The following ITFG1 variants were observed in gnomAD, a reference collection of about 807,000 sequenced individuals.
ITFG1 encodes T-cell immunomodulatory protein.
A neutral mutation model predicts 81.8 loss-of-function variants in ITFG1; 34 were observed. That is an observed-to-expected ratio of 0.42 (90% CI 0.32 to 0.55). The LOEUF is 0.55. Among genes scored for constraint, ITFG1 ranks in the 20% least tolerant of loss-of-function variants. The probability of loss-of-function intolerance (pLI) is 0.17; values close to 1 mark genes in which losing one functional copy is unlikely to be tolerated. For missense variants in ITFG1, 672 were observed against 755.4 expected (o/e 0.89, Z 1.29); for synonymous variants, 285 against 270.6 (o/e 1.05, Z -0.52).
At chr16:47,174,362 C>T (rs1000531883) in intron 14 of ITFG1, among the ~76,000 whole-genome samples, 3 of 151,804 alleles carry the variant, frequency 2.0e-5, no homozygotes, top group African/African-American at 7.3e-5. Context: ...TTAAATAATA[C>T]ATACACGCTG....
chr16:47,387,934 T>C (rs1968483164), intron 6 of ITFG1, among the ~76,000 whole-genome samples: 1 of 149,154 alleles, frequency 6.7e-6, no homozygotes, highest in Non-Finnish European at 1.5e-5. Context: ...ACTACAAATA[T>C]GTTAAAAAAA....
chr16:47,171,717 TTTTG>T lies in ITFG1; in HGVS notation c.1454-9057_1454-9054del, dbSNP rs147092230. On this transcript the variant is annotated intron_variant, in intron 14 of 17. Transcript: ENST00000320640. ...CTTTTGCTTCATCCAATATGTTTGG[TTTTG>T]TTTGTGTTTTGTTTTTAGTTATCTC... Among the ~76,000 whole-genome samples, 1,134 of 152,218 alleles carry T rather than the reference TTTTG, an allele frequency of 7.4e-3. 20 individuals carry two copies. Among genetic ancestry groups the T allele is most frequent in the African/African-American group, 0.026 (1,093 of 41,528 alleles).
chr16:47,459,560 T>G (rs1221273445), intron 1 of ITFG1, among the ~76,000 whole-genome samples: 2 of 152,184 alleles, frequency 1.3e-5, no homozygotes, highest in African/African-American at 4.8e-5. Context: ...GGCTGTTTGG[T>G]TCATTACACA....
chr16:47,446,277 C>T (rs551664496), intron 5 of ITFG1, among the ~76,000 whole-genome samples: 2 of 152,292 alleles, frequency 1.3e-5, no homozygotes, highest in South Asian at 4.1e-4. Context: ...AGAACAAAGT[C>T]ACCCTGGTAA....
intron 5 of ITFG1, among the ~76,000 whole-genome samples, chr16:47,433,447 T>C (rs1969118195): frequency 6.6e-6 from 1 of 152,208 alleles, no homozygotes; most frequent in African/African-American, 2.4e-5. Context: ...AGTGTTAATT[T>C]TCCCAAATTG....
chr16:47,404,675 TGA>T lies in ITFG1; in HGVS notation c.655+24127_655+24128del, dbSNP rs367628586. 1.4e-3 allele frequency among the ~76,000 whole-genome samples: 210 copies of T among 152,320 alleles called. 1 individual carries two copies. Among genetic ancestry groups the T allele is most frequent in the Admixed American group, 3.6e-3 (55 of 15,296 alleles). On this transcript the variant is annotated intron_variant, in intron 6 of 17. Coordinates refer to ENST00000320640, the MANE Select transcript of ITFG1 (RefSeq NM_030790.5). ...CATATACATAGTATTTAGTTTTGCA[TGA>T]GTTTGAACTTTACCTAAATGTTATC...
intron 14 of ITFG1, among the ~76,000 whole-genome samples, chr16:47,184,126 T>G (rs1965174622): frequency 6.6e-6 from 1 of 152,124 alleles, no homozygotes; most frequent in African/African-American, 2.4e-5. Context: ...TATGGGAATA[T>G]GTGAAAAGAC....
At chr16:47,187,593 C>T (rs1336639791) in intron 14 of ITFG1, among the ~76,000 whole-genome samples, 1 of 152,016 alleles carries the variant, frequency 6.6e-6, no homozygotes, top group African/African-American at 2.4e-5. Context: ...CTTCCTTACA[C>T]CTTATACAAA....
Position 47,155,722 on chromosome 16 carries a change from C to T in ITFG1, c.1836G>A (p.Met612Ile). ...ATTATGTAATATTAAAGGCAAGTCACATAGCATCAAAATGAAACCGGTGGG... is the reference window on the plus strand; with the variant it reads ...ATTATGTAATATTAAAGGCAAGTCATATAGCATCAAAATGAAACCGGTGGG... ...QEAHRFHFDAM is the reference protein window; with the variant it reads ...QEAHRFHFDAI Residue 612 changes from methionine to isoleucine, a missense_variant, in exon 18 of 18, where the codon ATG (methionine) becomes ATA (isoleucine). Coordinates refer to ENST00000320640, the MANE Select transcript of ITFG1 (RefSeq NM_030790.5). 1 of 1,604,056 alleles carries T rather than the reference C, an allele frequency of 6.2e-7. No homozygotes were observed. The highest frequency in any genetic ancestry group is 8.5e-7 in the Non-Finnish European group (1 of 1,174,094).
chr16:47,400,105 TG>T (rs1474843037), intron 6 of ITFG1, among the ~76,000 whole-genome samples: 1 of 152,240 alleles, frequency 6.6e-6, no homozygotes, highest in East Asian at 1.9e-4. Flanking sequence ...AGCTGGTCAG[TG>T]GTAGAATCAG....
chr16:47,407,859 T>C (rs943314674), intron 6 of ITFG1, among the ~76,000 whole-genome samples: 4 of 152,182 alleles, frequency 2.6e-5, no homozygotes, highest in African/African-American at 7.2e-5. Context: ...CTTGGACATA[T>C]ACATACATAT....
intron 12 of ITFG1, among the ~76,000 whole-genome samples, chr16:47,258,184 T>C (rs1029252715): frequency 1.2e-4 from 19 of 152,220 alleles, no homozygotes; most frequent in African/African-American, 4.6e-4. Flanking sequence ...GAACATCATG[T>C]GCTTCCTGAT....
chr16:47,296,955 C>T (rs1966992077), intron 10 of ITFG1, among the ~76,000 whole-genome samples: 1 of 152,056 alleles, frequency 6.6e-6, no homozygotes. Context: ...GGTCTAGAGT[C>T]CAATTTAAGT....
chr16:47,311,356 T>C lies in ITFG1; in HGVS notation c.954A>G (p.Pro318=), dbSNP rs748628989. ...SNKGTLWGFV[P]FVDEQQPTEI... is the part of the protein sequence containing the mutation. ...CAGTTGGTTGCTGTTCATCCACAAA[T>C]GGCACAAAGCCCCAGAGTGTGCCCT... The change falls in exon 10 of 18, where the codon CCA becomes CCG. Residue 318 remains proline (P), a synonymous_variant. Coordinates refer to ENST00000320640, the MANE Select transcript of ITFG1 (RefSeq NM_030790.5). The C allele has an allele frequency of 4.3e-6, 7 of 1,613,962 alleles. No individual in the cohort carries two copies. Among genetic ancestry groups the C allele is most frequent in the South Asian group, 1.1e-5 (1 of 91,084 alleles).
intron 15 of ITFG1, among the ~76,000 whole-genome samples, chr16:47,162,276 G>A (rs1431787954): frequency 1.3e-5 from 2 of 151,878 alleles, no homozygotes; most frequent in African/African-American, 2.4e-5. Context: ...AAAAATGTTA[G>A]GATGAAAAAG....
chr16:47,376,713 C>T lies in ITFG1; in HGVS notation c.656-773G>A, dbSNP rs114568337. On this transcript the variant is annotated intron_variant, in intron 6 of 17. Transcript: ENST00000320640. ...TTTGAAAAACAAATTACTGGCAGGG[C>T]GCTGTGGCTCACGCCTATAATCGCA... Among the ~76,000 whole-genome samples the T allele has an allele frequency of 3.0e-3, 463 of 152,158 alleles. 3 individuals are homozygous for T. The highest frequency in any genetic ancestry group is 0.011 in the African/African-American group (446 of 41,530).
At chr16:47,388,269 CAAAGAA>C (rs1968487357) in intron 6 of ITFG1, among the ~76,000 whole-genome samples, 2 of 151,868 alleles carry the variant, frequency 1.3e-5, no homozygotes, top group African/African-American at 4.8e-5. Context: ...AGAGAGAAGA[CAAAGAA>C]AAATTTGAAG....
At chr16:47,406,184 T>C (rs1463914628) in intron 6 of ITFG1, among the ~76,000 whole-genome samples, 1 of 152,204 alleles carries the variant, frequency 6.6e-6, no homozygotes, top group Non-Finnish European at 1.5e-5. Context: ...AAATGATGCA[T>C]TTAGAAGCGA....
intron 6 of ITFG1, among the ~76,000 whole-genome samples, chr16:47,425,149 T>A (rs187125691): frequency 1.2e-4 from 19 of 152,092 alleles, no homozygotes; most frequent in Non-Finnish European, 2.6e-4. Flanking sequence ...GCCACAGCAA[T>A]GGTGGATGCT....
Sources: allele counts gnomAD v4.1 joint callset (sites outside exome capture counted in the v4.1 genomes callset), GRCh38; gene constraint gnomAD v4.1.1; transcripts MANE v1.5; gene names NCBI Gene and HGNC (gene_info 2026-07-23, HGNC 2026-07-21).